MBD5: variants seen among roughly 807,000 people sequenced by gnomAD.
MBD5 encodes the protein methyl-CpG-binding domain protein 5.
MBD5 carries 13 observed loss-of-function variants against 117.3 expected under a neutral mutation model. The observed-to-expected ratio is 0.11, with a 90% CI of 0.07 to 0.18. The LOEUF is 0.18. MBD5 is among the 10% of genes least tolerant of loss of function. The probability of loss-of-function intolerance (pLI) is 1.00; values close to 1 mark genes in which losing one functional copy is unlikely to be tolerated. For missense variants in MBD5, 1,879 were observed against 2,093.8 expected (o/e 0.90, Z 2.00); for synonymous variants, 727 against 766.4 (o/e 0.95, Z 0.85).
intron 3 of MBD5, among the ~76,000 whole-genome samples, chr2:148,277,117 A>T (rs10211100): frequency 0.25 from 37,602 of 151,922 alleles, 4,848 homozygotes; most frequent in Admixed American, 0.3. Flanking sequence ...CCAGTTGAGA[A>T]TGCAAAGTTT....
intron 3 of MBD5, among the ~76,000 whole-genome samples, chr2:148,268,588 TATC>T: frequency 6.6e-6 from 1 of 151,738 alleles, no homozygotes; most frequent in Non-Finnish European, 1.5e-5. Context: ...TTATATATAA[TATC>T]ATGTTCTTAT....
At chr2:148,050,677 A>T (rs927629588) in intron 1 of MBD5, among the ~76,000 whole-genome samples, 1 of 152,098 alleles carries the variant, frequency 6.6e-6, no homozygotes, top group African/African-American at 2.4e-5. Flanking sequence ...CCCCCCATTG[A>T]ATTGCCCTAG....
intron 4 of MBD5, among the ~76,000 whole-genome samples, chr2:148,425,906 TATG>T (rs1559066144): frequency 6.6e-6 from 1 of 151,988 alleles, no homozygotes; most frequent in Non-Finnish European, 1.5e-5. Context: ...AAGAGCTATG[TATG>T]TCAGCCCAAA....
At chr2:148,030,416 T>C (rs1694006000) in intron 1 of MBD5, among the ~76,000 whole-genome samples, 1 of 152,148 alleles carries the variant, frequency 6.6e-6, no homozygotes, top group African/African-American at 2.4e-5. Context: ...CATCACAAAA[T>C]AATATGCACA....
chr2:148,382,251 T>C (rs1704171993), intron 4 of MBD5, among the ~76,000 whole-genome samples: 1 of 151,516 alleles, frequency 6.6e-6, no homozygotes, highest in South Asian at 2.1e-4. Flanking sequence ...AATAAAGGGA[T>C]GGAGGAAGAT....
chr2:148,155,565 C>G (rs764636935), intron 1 of MBD5, among the ~76,000 whole-genome samples: 2 of 152,004 alleles, frequency 1.3e-5, no homozygotes, highest in East Asian at 3.8e-4. Flanking sequence ...CTATGTTACT[C>G]TTCTGCCTAT....
chr2:148,461,402 C>G (rs1320780514), intron 5 of MBD5, among the ~76,000 whole-genome samples: 2 of 152,136 alleles, frequency 1.3e-5, no homozygotes, highest in Non-Finnish European at 2.9e-5. Flanking sequence ...AGATTTTCTA[C>G]ATGCTGAAAT....
chr2:148,143,735 G>A (rs1037340656), intron 1 of MBD5, among the ~76,000 whole-genome samples: 1 of 152,162 alleles, frequency 6.6e-6, no homozygotes, highest in African/African-American at 2.4e-5. Flanking sequence ...AGTTTGCTCA[G>A]AATGATGGTT....
chr2:148,490,735 C>T, intron 11 of MBD5, 141 bp downstream of exon 11: 2 of 1,039,692 alleles, frequency 1.9e-6, no homozygotes, highest in East Asian at 2.6e-5. Context: ...GCTTCTGGAG[C>T]ATAAAATGAA....
intron 12 of MBD5, among the ~76,000 whole-genome samples, chr2:148,508,004 A>G (rs1682094538): frequency 6.6e-6 from 1 of 152,226 alleles, no homozygotes; most frequent in Admixed American, 6.5e-5. Flanking sequence ...TTATGTTCAT[A>G]CAAAAGAAAT....
At chr2:148,297,166 A>G (rs998502717) in intron 3 of MBD5, among the ~76,000 whole-genome samples, 1 of 152,150 alleles carries the variant, frequency 6.6e-6, no homozygotes, top group East Asian at 1.9e-4. Context: ...ATTTACAGGC[A>G]TGAGTTACCG....
At chr2:148,113,110 T>A (rs1481092068) in intron 1 of MBD5, among the ~76,000 whole-genome samples, 1 of 152,206 alleles carries the variant, frequency 6.6e-6, no homozygotes, top group African/African-American at 2.4e-5. Context: ...CTCATTATTA[T>A]GTGGCTTCTA....
chr2:148,269,668 GTT>G (rs11316954), intron 3 of MBD5, among the ~76,000 whole-genome samples: 67 of 125,810 alleles, frequency 5.3e-4, no homozygotes, highest in South Asian at 1.2e-3. Context: ...AGTTTTTTTA[GTT>G]TTTTTTTTTT....
intron 1 of MBD5, among the ~76,000 whole-genome samples, chr2:148,078,207 T>C (rs928549850): frequency 7.2e-5 from 11 of 152,254 alleles, no homozygotes; most frequent in Admixed American, 7.2e-4. Context: ...TCCTTAACAG[T>C]GAACAAGTGT....
intron 8 of MBD5, chr2:148,472,281 T>G (rs1680822430): frequency 6.6e-6 from 1 of 152,062 alleles, no homozygotes; most frequent in Non-Finnish European, 1.5e-5. Flanking sequence ...AAAAATTTAT[T>G]AGTGTCAGAA....
chr2:148,493,215 G>A (rs77485532), intron 11 of MBD5, among the ~76,000 whole-genome samples: 4,999 of 152,160 alleles, frequency 0.033, 123 homozygotes, highest in Non-Finnish European at 0.051. Flanking sequence ...CGTCTAGGAA[G>A]AAAAAAATTG....
intron 3 of MBD5, among the ~76,000 whole-genome samples, chr2:148,301,483 G>T: frequency 6.6e-6 from 1 of 152,176 alleles, no homozygotes; most frequent in Non-Finnish European, 1.5e-5. Context: ...AAATTTTAGA[G>T]CAGGAGTGAA....
At chr2:148,319,592 T>C (rs1702235802) in intron 3 of MBD5, among the ~76,000 whole-genome samples, 1 of 152,206 alleles carries the variant, frequency 6.6e-6, no homozygotes, top group Non-Finnish European at 1.5e-5. Context: ...CTGATATCTG[T>C]ATGGTAATTT....
chr2:148,237,525 A>G (rs1700117344), intron 3 of MBD5, among the ~76,000 whole-genome samples: 1 of 152,184 alleles, frequency 6.6e-6, no homozygotes. Flanking sequence ...CAGAACACAC[A>G]TTTATCAGTT....
Sources: gnomAD v4.1 joint callset for allele counts (sites outside exome capture counted in the v4.1 genomes callset) on GRCh38, gnomAD v4.1.1 for gene constraint, MANE v1.5 for transcripts, NCBI Gene and HGNC (gene_info 2026-07-23, HGNC 2026-07-21) for gene names.